The following FHL5 variants were observed in gnomAD, a reference collection of about 807,000 sequenced individuals.
FHL5 encodes four and a half LIM domains 5, also known as four and a half LIM domains protein 5.
A neutral mutation model predicts 32.0 loss-of-function variants in FHL5; 33 were observed. That is an observed-to-expected ratio of 1.03 (90% CI 0.78 to 1.38). The LOEUF (loss-of-function observed/expected upper bound fraction) is 1.38, where lower values mean the gene tolerates loss of function less well. FHL5 is among the 40% of genes most tolerant of loss of function. The probability of loss-of-function intolerance (pLI) is 0.00; values close to 1 mark genes in which losing one functional copy is unlikely to be tolerated. For missense variants in FHL5, 336 were observed against 343.9 expected, an observed-to-expected ratio of 0.98 and a Z score of 0.18; for synonymous variants, 114 against 113.6, an observed-to-expected ratio of 1.00 and a Z score of -0.02.
chr6:96,574,035 TA>T lies in FHL5; in HGVS notation c.-13+10690del, dbSNP rs556457701. On this transcript the variant is annotated intron_variant, in intron 1 of 5. Transcript: ENST00000450218. ...ATTTTCTTCTAAACTTGTTTCTACT[TA>T]AAAAAAAAATTATATAATTGAGGTC... Among the ~76,000 whole-genome samples the T allele has an allele frequency of 3.7e-3, 549 of 150,158 alleles. 1 individual carries two copies. The highest frequency in any genetic ancestry group is 0.012 in the African/African-American group (503 of 40,976).
At chr6:96,615,564 T>C (rs765493428) in intron 5 of FHL5, 45 bp from the exon 6 acceptor site, 3 of 1,516,896 alleles carry the variant, frequency 2.0e-6, no homozygotes, top group South Asian at 2.5e-5. Context: ...GCTCAATCTG[T>C]TCCTTGAAAG....
intron 1 of FHL5, among the ~76,000 whole-genome samples, chr6:96,599,587 C>T (rs1771108709): frequency 6.6e-6 from 1 of 152,186 alleles, no homozygotes; most frequent in Non-Finnish European, 1.5e-5. Flanking sequence ...TTCTGAACTA[C>T]TCATCTGTCT....
At position 96,570,944 on chromosome 6, in the gene FHL5, T is replaced by C. The variant is rs76126568; in HGVS notation, c.-13+7589T>C. 8.0e-3 allele frequency among the ~76,000 whole-genome samples: 1,221 copies of C among 152,250 alleles called. 12 individuals carry two copies. Among genetic ancestry groups the C allele is most frequent in the African/African-American group, 0.025 (1,046 of 41,562 alleles). On this transcript the variant is annotated intron_variant, in intron 1 of 5. Coordinates refer to ENST00000450218, the MANE Select transcript of FHL5 (RefSeq NM_001322466.2). ...TGTATCTGTGTTTCCTTGTATCTAA[T>C]TGAGTTTCCTTACAATCATTATTTT...
At chr6:96,591,769 A>G (rs943644787) in intron 1 of FHL5, among the ~76,000 whole-genome samples, 3 of 151,990 alleles carry the variant, frequency 2.0e-5, no homozygotes, top group African/African-American at 7.3e-5. Context: ...GTGCTTTTCT[A>G]TTTTCCCTAA....
intron 5 of FHL5, 76 bp from the exon 6 acceptor site, chr6:96,615,533 T>C (rs758229872): frequency 1.6e-6 from 2 of 1,248,076 alleles, no homozygotes; most frequent in African/African-American, 3.1e-5. Context: ...CTCCAGTTCC[T>C]AGAGGAGCAT....
intron 1 of FHL5, among the ~76,000 whole-genome samples, chr6:96,567,837 T>TG (rs537412656): frequency 2.0e-5 from 3 of 149,474 alleles, no homozygotes; most frequent in South Asian, 4.2e-4. Flanking sequence ...TTTTTTTTTT[T>TG]TTTTTGTATC....
chr6:96,610,363 A>T (rs1220397494), intron 4 of FHL5, among the ~76,000 whole-genome samples: 1 of 152,178 alleles, frequency 6.6e-6, no homozygotes, highest in East Asian at 1.9e-4. Flanking sequence ...TTAATTTTTA[A>T]TGACTTTTTG....
chr6:96,599,775 C>T (rs1355443787), intron 1 of FHL5, among the ~76,000 whole-genome samples: 2 of 152,188 alleles, frequency 1.3e-5, no homozygotes, highest in Non-Finnish European at 2.9e-5. Flanking sequence ...GAATGACTAG[C>T]ACTGCTGAGT....
intron 1 of FHL5, among the ~76,000 whole-genome samples, chr6:96,563,706 T>G (rs1770295219): frequency 6.6e-6 from 1 of 152,118 alleles, no homozygotes; most frequent in South Asian, 2.1e-4. Flanking sequence ...CTCTTGAGAT[T>G]TTATTTGGCT....
intron 1 of FHL5, among the ~76,000 whole-genome samples, chr6:96,590,464 A>T (rs1314538843): frequency 6.6e-6 from 1 of 151,996 alleles, no homozygotes; most frequent in Non-Finnish European, 1.5e-5. Context: ...ATATATAGAC[A>T]TTTTACTGAG....
At chr6:96,568,022 C>G (rs1309207952) in intron 1 of FHL5, among the ~76,000 whole-genome samples, 1 of 151,480 alleles carries the variant, frequency 6.6e-6, no homozygotes. Flanking sequence ...TTCCAGTACT[C>G]TTTTGAATAA....
chr6:96,588,830 G>T (rs1209248901), intron 1 of FHL5, among the ~76,000 whole-genome samples: 1 of 151,072 alleles, frequency 6.6e-6, no homozygotes. Flanking sequence ...CTGTTATATT[G>T]TGGCTTGTCT....
intron 1 of FHL5, among the ~76,000 whole-genome samples, chr6:96,600,022 G>C (rs1326607698): frequency 6.6e-6 from 1 of 152,222 alleles, no homozygotes; most frequent in Middle Eastern, 3.4e-3. Context: ...AAGCTATTTG[G>C]CTTGCTCTTC....
intron 5 of FHL5, among the ~76,000 whole-genome samples, chr6:96,614,547 T>C (rs1050490679): frequency 1.3e-5 from 2 of 152,200 alleles, no homozygotes; most frequent in Non-Finnish European, 2.9e-5. Flanking sequence ...AATAGAATGC[T>C]ATTCACCCTT....
At chr6:96,593,831 C>T (rs1232728040) in intron 1 of FHL5, among the ~76,000 whole-genome samples, 1 of 152,100 alleles carries the variant, frequency 6.6e-6, no homozygotes, top group Non-Finnish European at 1.5e-5. Flanking sequence ...CCAAGCTACA[C>T]TTTTTAAGTA....
chr6:96,581,867 G>A (rs1164741253), intron 1 of FHL5, among the ~76,000 whole-genome samples: 1 of 152,132 alleles, frequency 6.6e-6, no homozygotes, highest in Non-Finnish European at 1.5e-5. Context: ...AGAGGTGGAG[G>A]GGAATACTTG....
intron 1 of FHL5, among the ~76,000 whole-genome samples, chr6:96,602,556 T>A (rs1037086968): frequency 6.8e-6 from 1 of 147,568 alleles, no homozygotes; most frequent in African/African-American, 2.5e-5. Context: ...ACGCCATTCT[T>A]CTGCCTCAGC....
intron 5 of FHL5, among the ~76,000 whole-genome samples, chr6:96,612,918 C>T (rs531694332): frequency 2.6e-5 from 4 of 152,208 alleles, no homozygotes; most frequent in South Asian, 2.1e-4. Flanking sequence ...TATTGTCACA[C>T]GTCTTCGGAA....
intron 5 of FHL5, among the ~76,000 whole-genome samples, chr6:96,611,481 T>G (rs917143437): frequency 2.6e-5 from 4 of 152,204 alleles, no homozygotes; most frequent in Non-Finnish European, 5.9e-5. Flanking sequence ...TTTAAAATGC[T>G]AATCCTATAA....
Sources: allele counts gnomAD v4.1 joint callset (sites outside exome capture counted in the v4.1 genomes callset), GRCh38; gene constraint gnomAD v4.1.1; transcripts MANE v1.5; gene names NCBI Gene and HGNC (gene_info 2026-07-23, HGNC 2026-07-21).